Variants in TAOK1 observed in about 807,000 individuals in gnomAD.
The protein encoded by TAOK1 is TAO kinase 1.
TAOK1 carries 21 observed loss-of-function variants against 138.3 expected under a neutral mutation model. The ratio of observed to expected loss-of-function variants is 0.15; its 90% CI spans 0.11 to 0.22. TAOK1 has a LOEUF of 0.22. TAOK1 is among the 10% of genes least tolerant of loss of function. The pLI is 1.00. For synonymous variants in TAOK1, 361 were observed against 398.4 expected, an observed-to-expected ratio of 0.91 and a Z score of 1.12; for missense variants, 651 against 1,227.7, an observed-to-expected ratio of 0.53 and a Z score of 7.02.
rs1040809213 is a variant in TAOK1, at chr17:29,432,469, C to T, written c.-94-18986C>T. Among the ~76,000 whole-genome samples the T allele has an allele frequency of 2.6e-5, 4 of 152,186 alleles. No homozygotes were observed. In the East Asian group the frequency reaches 7.7e-4, roughly 29 times the overall value. On this transcript the variant is annotated intron_variant, in intron 1 of 19. Transcript: ENST00000261716. The stretch of plus-strand genomic sequence containing the variant: ...AGTGCTGCAGAGATTTTGTTTATGG[C>T]CAGTTTTGGGGCCAGTTTATGGCCA...
chr17:29,522,060 A>T (rs189185107), intron 16 of TAOK1, among the ~76,000 whole-genome samples: 8 of 152,254 alleles, frequency 5.3e-5, no homozygotes, highest in Middle Eastern at 3.4e-3. Context: ...AGCTAATGGT[A>T]ATAAAATAAT....
At chr17:29,430,958 C>T (rs983998748) in intron 1 of TAOK1, among the ~76,000 whole-genome samples, 9 of 151,960 alleles carry the variant, frequency 5.9e-5, no homozygotes, top group South Asian at 2.1e-4. Flanking sequence ...GGTCTCTAGG[C>T]GAGGGGAAAT....
At chr17:29,455,472 G>C (rs1450392797) in intron 2 of TAOK1, among the ~76,000 whole-genome samples, 1 of 150,350 alleles carries the variant, frequency 6.7e-6, no homozygotes, top group Non-Finnish European at 1.5e-5. Flanking sequence ...CGTTTTTCCT[G>C]TCTTGATACC....
intron 1 of TAOK1, among the ~76,000 whole-genome samples, chr17:29,416,532 A>G (rs1170262924): frequency 6.6e-6 from 1 of 151,942 alleles, no homozygotes; most frequent in African/African-American, 2.4e-5. Flanking sequence ...CAACAAATTA[A>G]ATATTACATT....
At chr17:29,411,991 T>C (rs1291421516) in intron 1 of TAOK1, among the ~76,000 whole-genome samples, 2 of 152,048 alleles carry the variant, frequency 1.3e-5, no homozygotes, top group African/African-American at 4.8e-5. Context: ...AGCTTGCTTT[T>C]CCTTCCTTCC....
At chr17:29,535,413 T>TGTA (rs2032205631) in intron 19 of TAOK1, among the ~76,000 whole-genome samples, 1 of 152,200 alleles carries the variant, frequency 6.6e-6, no homozygotes, top group Non-Finnish European at 1.5e-5. Flanking sequence ...CAACAGCTGA[T>TGTA]GTAGTCTTAG....
In TAOK1 at chr17:29,547,974, CATTGGAAATGACTATTA is replaced by C. The variant is rs1764046799; in HGVS notation, c.*4956_*4972del. 6.6e-6 allele frequency: 1 copy of C among 152,106 alleles called. No individual in the cohort carries two copies. Among genetic ancestry groups the C allele is most frequent in the Admixed American group, 6.6e-5 (1 of 15,254 alleles). The allele number at this position is 152,106 out of a possible 1,614,324, so 9.4% of individuals were successfully genotyped here. ...TTATGAAATCACTACAATAGGTCTG[CATTGGAAATGACTATTA>C]ATTTGTAAAGAAGTAAGTTTTATTA... On this transcript the variant is annotated 3_prime_UTR_variant, in exon 20 of 20. Transcript: ENST00000261716.
At chr17:29,405,535 T>G (rs191534398) in intron 1 of TAOK1, among the ~76,000 whole-genome samples, 446 of 152,100 alleles carry the variant, frequency 2.9e-3, no homozygotes, top group African/African-American at 0.01. Flanking sequence ...TCCCAGCATT[T>G]TGGGAGGCCG....
Position 29,543,273 on chromosome 17 carries a change from A to C in TAOK1, c.*251A>C. 1 of 356,916 alleles carries C rather than the reference A, an allele frequency of 2.8e-6. No homozygotes were observed. The allele number at this position is 356,916 out of a possible 1,614,324, so 22.1% of individuals were successfully genotyped here. ...GAGTTGATATTAAAAATAAATGTGT[A>C]TGTGTGTACATATATATACACACAC... On this transcript the variant is annotated 3_prime_UTR_variant, in exon 20 of 20. Transcript: ENST00000261716.
rs1273780907 is a variant in TAOK1 at position 29,517,494 on chromosome 17, G to T, written c.1746G>T (p.Gln582His). The T allele has an allele frequency of 3.7e-6, 6 of 1,613,872 alleles. No individual in the cohort carries two copies. The highest frequency in any genetic ancestry group is 5.1e-6 in the Non-Finnish European group (6 of 1,180,018). Residue 582 changes from glutamine to histidine, a missense_variant, in exon 16 of 20, where the codon CAG becomes CAT. Coordinates refer to ENST00000261716, the MANE Select transcript of TAOK1 (RefSeq NM_020791.4). The stretch of plus-strand genomic sequence containing the variant: ...AGAGTACCCCCAAAAAAGAAAAACA[G>T]GAGTGGCTTTCAAAGCAGAAGGAGA... ...ENQSTPKKEK[Q>H]EWLSKQKENI...
intron 1 of TAOK1, among the ~76,000 whole-genome samples, chr17:29,393,425 A>G (rs182127348): frequency 3.3e-5 from 5 of 152,346 alleles, no homozygotes; most frequent in Admixed American, 2.0e-4. Context: ...AATGTTGCCT[A>G]AAAGTGGAAA....
chr17:29,454,108 C>CA (rs758357046), intron 2 of TAOK1, among the ~76,000 whole-genome samples: 6 of 151,966 alleles, frequency 3.9e-5, no homozygotes, highest in Non-Finnish European at 7.4e-5. Flanking sequence ...TGAGCCACCA[C>CA]ACCTGGCCCC....
At chr17:29,473,993 A>G (rs980071516) in intron 3 of TAOK1, among the ~76,000 whole-genome samples, 1 of 152,110 alleles carries the variant, frequency 6.6e-6, no homozygotes, top group Non-Finnish European at 1.5e-5. Context: ...TGGTCTCCCA[A>G]AATGCTGGGA....
At chr17:29,465,817 T>G (rs940841806) in intron 2 of TAOK1, among the ~76,000 whole-genome samples, 1 of 145,594 alleles carries the variant, frequency 6.9e-6, no homozygotes, top group Non-Finnish European at 1.5e-5. Context: ...TTTCTAAGAG[T>G]TAACTGTCAA....
At chr17:29,432,057 G>A (rs909375675) in intron 1 of TAOK1, among the ~76,000 whole-genome samples, 3 of 152,106 alleles carry the variant, frequency 2.0e-5, no homozygotes, top group Non-Finnish European at 4.4e-5. Flanking sequence ...CTAACCCAGC[G>A]TTGCTAGAGG....
intron 18 of TAOK1, among the ~76,000 whole-genome samples, chr17:29,532,724 A>G (rs919928210): frequency 2.0e-5 from 3 of 152,164 alleles, no homozygotes; most frequent in Non-Finnish European, 2.9e-5. Flanking sequence ...GAACAAAATG[A>G]AAAGTCTCCC....
intron 17 of TAOK1, among the ~76,000 whole-genome samples, chr17:29,529,605 G>A (rs560306499): frequency 1.3e-5 from 2 of 152,140 alleles, no homozygotes; most frequent in East Asian, 1.9e-4. Context: ...AGTGGTTCAC[G>A]CCTGTAATCC....
intron 2 of TAOK1, among the ~76,000 whole-genome samples, chr17:29,464,485 C>T (rs950445967): frequency 2.0e-5 from 3 of 151,452 alleles, no homozygotes; most frequent in East Asian, 1.9e-4. Context: ...TGTAATTGAC[C>T]GTTCTAATGG....
chr17:29,401,055 G>A (rs560160227), intron 1 of TAOK1, among the ~76,000 whole-genome samples: 47 of 151,616 alleles, frequency 3.1e-4, no homozygotes, highest in Non-Finnish European at 5.3e-4. Context: ...GACTACAGGT[G>A]TGCACCACCA....
Sources: gnomAD v4.1 joint callset for allele counts (sites outside exome capture counted in the v4.1 genomes callset) on GRCh38, gnomAD v4.1.1 for gene constraint, MANE v1.5 for transcripts, NCBI Gene and HGNC (gene_info 2026-07-23, HGNC 2026-07-21) for gene names.